Variants in RAB3B observed in about 807,000 individuals in gnomAD.
RAB3B encodes RAB3B, member RAS oncogene family.
A neutral mutation model predicts 20.5 loss-of-function variants in RAB3B; 11 were observed. The observed-to-expected ratio is 0.54, with a 90% CI of 0.34 to 0.89. The LOEUF (loss-of-function observed/expected upper bound fraction) is 0.89, where lower values mean the gene tolerates loss of function less well. Among genes scored for constraint, RAB3B ranks in the 40% least tolerant of loss-of-function variants. The pLI is 0.02. For synonymous variants in RAB3B, 99 were observed against 106.3 expected, an observed-to-expected ratio of 0.93 and a Z score of 0.42; for missense variants, 225 against 280.9, an observed-to-expected ratio of 0.80 and a Z score of 1.42.
chr1:51,916,484 AG>A lies in RAB3B; in HGVS notation c.*3442del, dbSNP rs1412126197. ...TGAGTGTTAATGACCAGAAAAAAATAGTAATTATCCATGACACTGTATACAA... is the reference window on the plus strand; with the variant it reads ...TGAGTGTTAATGACCAGAAAAAAATATAATTATCCATGACACTGTATACAA... On this transcript the variant is annotated 3_prime_UTR_variant, in exon 5 of 5. Transcript: ENST00000371655. 3.3e-5 allele frequency: 5 copies of A among 152,254 alleles called. No individual in the cohort carries two copies. In the East Asian group the frequency reaches 9.6e-4, roughly 29 times the overall value. 9.4% of individuals were successfully genotyped at this position (152,254 alleles called of 1,614,324 possible).
Position 51,989,101 on chromosome 1 carries a change from G to GCACACACACACA in RAB3B, c.-1+1450_-1+1451insTGTGTGTGTGTG, listed in dbSNP as rs1553232373. The stretch of plus-strand genomic sequence containing the variant: ...AACAGGTGGACACCCACCTGTGCGC[G>GCACACACACACA]CGCACACACACACACACACACACAC... On this transcript the variant is annotated intron_variant, in intron 1 of 4. Coordinates refer to ENST00000371655, the MANE Select transcript of RAB3B (RefSeq NM_002867.4). 4.0e-3 allele frequency among the ~76,000 whole-genome samples: 95 copies of GCACACACACACA among 24,034 alleles called. 1 individual carries two copies. The East Asian group carries it at 0.061, about 16-fold the overall frequency. 15.8% of individuals were successfully genotyped at this position (24,034 alleles called of 152,430 possible). A position where few individuals can be genotyped will look rare whatever the true frequency, so the allele number is the denominator to read the frequency against.
intron 4 of RAB3B, among the ~76,000 whole-genome samples, chr1:51,931,141 C>A (rs1334595597): frequency 6.6e-6 from 1 of 151,902 alleles, no homozygotes; most frequent in African/African-American, 2.4e-5. Flanking sequence ...GGCGTGAGTC[C>A]CCTCTTTGGG....
intron 1 of RAB3B, among the ~76,000 whole-genome samples, chr1:51,979,899 CA>C (rs1416320544): frequency 6.6e-6 from 1 of 151,612 alleles, no homozygotes. Flanking sequence ...AAAAATTGGC[CA>C]GGGGTGGTGG....
intron 1 of RAB3B, among the ~76,000 whole-genome samples, chr1:51,984,525 G>A (rs1444328246): frequency 1.3e-5 from 2 of 150,954 alleles, no homozygotes; most frequent in African/African-American, 4.9e-5. Context: ...CAAGTAGCTG[G>A]GACTACAGGT....
rs61590258 is a variant in RAB3B, at chr1:51,912,542, T to TAAA, written c.*7382_*7384dup. ...GGCAACATAGCAAGACCGTCTCTAT[T>TAAA]AAAAAAAAAAAAATATATATATATA... On this transcript the variant is annotated 3_prime_UTR_variant, in exon 5 of 5. Coordinates refer to ENST00000371655, the MANE Select transcript of RAB3B (RefSeq NM_002867.4). 605 of 6,356 alleles carry TAAA rather than the reference T, an allele frequency of 0.095. 120 individuals carry two copies. The highest frequency in any genetic ancestry group is 0.11 in the African/African-American group (142 of 1,250). 0.4% of individuals were successfully genotyped at this position (6,356 alleles called of 1,614,324 possible). A position where few individuals can be genotyped will look rare whatever the true frequency, so the allele number is the denominator to read the frequency against.
At chr1:51,985,880 A>T (rs922711887) in intron 1 of RAB3B, among the ~76,000 whole-genome samples, 1 of 152,050 alleles carries the variant, frequency 6.6e-6, no homozygotes, top group African/African-American at 2.4e-5. Context: ...GAGGCTCTGC[A>T]AAGACAAGTG....
intron 4 of RAB3B, among the ~76,000 whole-genome samples, chr1:51,930,180 G>A (rs1315422918): frequency 6.6e-6 from 1 of 152,082 alleles, no homozygotes; most frequent in Non-Finnish European, 1.5e-5. Context: ...TTAATCTCAG[G>A]TGTTCTATCT....
At chr1:51,971,737 A>T (rs1216092084) in intron 2 of RAB3B, among the ~76,000 whole-genome samples, 1 of 152,072 alleles carries the variant, frequency 6.6e-6, no homozygotes, top group Non-Finnish European at 1.5e-5. Context: ...AGACCACACT[A>T]TGTTTTTTCA....
intron 2 of RAB3B, among the ~76,000 whole-genome samples, chr1:51,943,239 C>T (rs1344221153): frequency 6.6e-6 from 1 of 152,106 alleles, no homozygotes; most frequent in Non-Finnish European, 1.5e-5. Context: ...CAAAAATTAG[C>T]CAGGCATGGT....
At chr1:51,988,346 AG>A (rs1256947746) in intron 1 of RAB3B, among the ~76,000 whole-genome samples, 3 of 152,224 alleles carry the variant, frequency 2.0e-5, no homozygotes, top group Non-Finnish European at 2.9e-5. Context: ...GGTCTCCTAG[AG>A]CCACAGAAAC....
intron 4 of RAB3B, among the ~76,000 whole-genome samples, chr1:51,928,183 C>T (rs12744592): frequency 0.047 from 7,162 of 152,116 alleles, 196 homozygotes; most frequent in Middle Eastern, 0.075. Flanking sequence ...CTCTGCTCAC[C>T]GCAACCTCCG....
chr1:51,945,488 T>C (rs1684552180), intron 2 of RAB3B, among the ~76,000 whole-genome samples: 1 of 152,208 alleles, frequency 6.6e-6, no homozygotes, highest in South Asian at 2.1e-4. Flanking sequence ...TACTTTATTA[T>C]GGTGATCTGG....
chr1:51,974,622 A>T (rs561631828), intron 2 of RAB3B, among the ~76,000 whole-genome samples: 4 of 152,340 alleles, frequency 2.6e-5, no homozygotes, highest in African/African-American at 9.6e-5. Flanking sequence ...TATGAACTCT[A>T]TAATACCTCA....
intron 3 of RAB3B, 123 bp downstream of exon 3, chr1:51,937,171 C>A (rs887053913): frequency 5.7e-6 from 4 of 702,374 alleles, no homozygotes; most frequent in African/African-American, 3.7e-5. Context: ...CGTCTGTAAA[C>A]TCCTGAGGCC....
intron 2 of RAB3B, among the ~76,000 whole-genome samples, chr1:51,958,702 G>A (rs35195826): frequency 0.23 from 34,204 of 146,962 alleles, 4,481 homozygotes; most frequent in Non-Finnish European, 0.29. Context: ...CAGCCTGGGC[G>A]ACAAGAGCAA....
intron 3 of RAB3B, 120 bp from the exon 4 acceptor site, chr1:51,933,562 G>A (rs999451282): frequency 2.0e-5 from 18 of 920,602 alleles, no homozygotes; most frequent in African/African-American, 3.4e-5. Context: ...TGGAGGTGGA[G>A]TCTTCGGGAT....
At position 51,908,097 on chromosome 1, in the gene RAB3B, CTT is replaced by C. The variant is rs1479716171; in HGVS notation, c.*11828_*11829del. The C allele has an allele frequency of 6.6e-6, 1 of 152,136 alleles. No individual in the cohort carries two copies. Among genetic ancestry groups the C allele is most frequent in the Non-Finnish European group, 1.5e-5 (1 of 68,032 alleles). The allele number at this position is 152,136 out of a possible 1,614,324, so 9.4% of individuals were successfully genotyped here. ...CACCATAGATATTTGTAAATGAGAT[CTT>C]CTCTTTTGCTACTGTGTATATATAT... On this transcript the variant is annotated 3_prime_UTR_variant, in exon 5 of 5. Transcript: ENST00000371655.
Position 51,977,066 on chromosome 1 carries a change from T to G in RAB3B, c.52A>C (p.Asn18His). The G allele has an allele frequency of 6.2e-7, 1 of 1,614,158 alleles. No homozygotes were observed. The highest frequency in any genetic ancestry group is 8.5e-7 in the Non-Finnish European group (1 of 1,180,028). Residue 18 changes from asparagine to histidine, a missense_variant, in exon 2 of 5, where the codon AAT becomes CAT. Transcript: ENST00000371655. ...AGCAGTTTAAACATGTAGTCAAAAT[T>G]CTGGTCAGAGGCATCTTTGACTCCA... is the stretch of plus-strand genomic sequence containing the variant. ...KTGVKDASDQNFDYMFKLLII... is the reference protein window; with the variant it reads ...KTGVKDASDQHFDYMFKLLII...
At chr1:51,981,842 G>A (rs1368552266) in intron 1 of RAB3B, among the ~76,000 whole-genome samples, 1 of 152,082 alleles carries the variant, frequency 6.6e-6, no homozygotes, top group Non-Finnish European at 1.5e-5. Context: ...CAAACCTACT[G>A]CATTGCCAGT....
Sources: gnomAD v4.1 joint callset for allele counts (sites outside exome capture counted in the v4.1 genomes callset) on GRCh38, gnomAD v4.1.1 for gene constraint, MANE v1.5 for transcripts, NCBI Gene and HGNC (gene_info 2026-07-23, HGNC 2026-07-21) for gene names.